The following SNX29 variants were observed in gnomAD, a reference collection of about 807,000 sequenced individuals.
SNX29 encodes sorting nexin-29.
A neutral mutation model predicts 102.1 loss-of-function variants in SNX29; 78 were observed. That is an observed-to-expected ratio of 0.76 (90% CI 0.64 to 0.92). The LOEUF is 0.92. Among genes scored for constraint, SNX29 ranks in the 40% least tolerant of loss-of-function variants. The probability of loss-of-function intolerance (pLI) is 0.00; values close to 1 mark genes in which losing one functional copy is unlikely to be tolerated. For missense variants in SNX29, 1,280 were observed against 1,061.7 expected (o/e 1.21, Z -2.86); for synonymous variants, 580 against 414.5 (o/e 1.40, Z -4.85).
intron 11 of SNX29, among the ~76,000 whole-genome samples, chr16:12,107,823 G>A (rs1300218344): frequency 6.6e-6 from 1 of 152,036 alleles, no homozygotes; most frequent in Non-Finnish European, 1.5e-5. Flanking sequence ...TCTGCTACCC[G>A]TCCATAGGAA....
chr16:12,555,144 T>C (rs1205407712), intron 20 of SNX29, among the ~76,000 whole-genome samples: 2 of 151,786 alleles, frequency 1.3e-5, no homozygotes, highest in African/African-American at 4.8e-5. Context: ...TCAGACTTGG[T>C]CCAGGAGTGA....
chr16:12,569,612 G>C lies in SNX29; in HGVS notation c.*983G>C, dbSNP rs1179337233. ...CCCGTCTGCCCCCGACATTGTCCTTGATAACAGAACTCTGCATCCCCTAAG... is the reference window on the plus strand; with the variant it reads ...CCCGTCTGCCCCCGACATTGTCCTTCATAACAGAACTCTGCATCCCCTAAG... On this transcript the variant is annotated 3_prime_UTR_variant, in exon 21 of 21. Coordinates refer to ENST00000566228, the MANE Select transcript of SNX29 (RefSeq NM_032167.5). The C allele has an allele frequency of 4.5e-6, 1 of 220,506 alleles. No homozygotes were observed. The highest frequency in any genetic ancestry group is 8.8e-6 in the Non-Finnish European group (1 of 113,356). 13.7% of individuals were successfully genotyped at this position (220,506 alleles called of 1,614,324 possible).
chr16:12,172,948 A>T (rs1211617645), intron 13 of SNX29, among the ~76,000 whole-genome samples: 1 of 152,220 alleles, frequency 6.6e-6, no homozygotes, highest in East Asian at 1.9e-4. Context: ...AGTCAGGTGA[A>T]ATATGGAGAT....
intron 2 of SNX29, among the ~76,000 whole-genome samples, chr16:12,000,676 AC>A (rs1356296340): frequency 6.6e-6 from 1 of 152,124 alleles, no homozygotes; most frequent in East Asian, 1.9e-4. Flanking sequence ...GGTGCATGCC[AC>A]CACATGTGCC....
chr16:12,440,610 G>C (rs2085755963), intron 18 of SNX29, among the ~76,000 whole-genome samples: 1 of 152,070 alleles, frequency 6.6e-6, no homozygotes, highest in Admixed American at 6.5e-5. Context: ...CCACCCACCA[G>C]AAGGCCCCAG....
Position 12,570,451 on chromosome 16 carries a change from A to AGGC in SNX29, c.*1823_*1825dup, listed in dbSNP as rs1264536364. The AGGC allele has an allele frequency of 4.2e-6, 1 of 239,724 alleles. No homozygotes were observed. Among genetic ancestry groups the AGGC allele is most frequent in the East Asian group, 6.0e-5 (1 of 16,552 alleles). The allele number at this position is 239,724 out of a possible 1,614,324, so 14.8% of individuals were successfully genotyped here. On this transcript the variant is annotated 3_prime_UTR_variant, in exon 21 of 21. Coordinates refer to ENST00000566228, the MANE Select transcript of SNX29 (RefSeq NM_032167.5). ...CTAAATAGAGAGCCCTAATGGACTG[A>AGGC]GGCAGGAAACGTCTAAAAGCTCAAT...
chr16:12,142,961 G>A (rs992412108), intron 13 of SNX29, among the ~76,000 whole-genome samples: 3 of 151,848 alleles, frequency 2.0e-5, no homozygotes, highest in Non-Finnish European at 4.4e-5. Context: ...TGTCCTGTGG[G>A]TGCTAGAAAT....
intron 11 of SNX29, among the ~76,000 whole-genome samples, chr16:12,082,228 A>G (rs536220830): frequency 6.6e-6 from 1 of 152,046 alleles, no homozygotes; most frequent in South Asian, 2.1e-4. Context: ...AAAGGACAGC[A>G]GCCCCGAGAT....
chr16:12,441,715 A>T (rs1306992508), intron 18 of SNX29, among the ~76,000 whole-genome samples: 1 of 152,198 alleles, frequency 6.6e-6, no homozygotes, highest in African/African-American at 2.4e-5. Flanking sequence ...GGACACACAG[A>T]TTTAGCCCTG....
chr16:12,364,821 C>A (rs765975045), intron 16 of SNX29, among the ~76,000 whole-genome samples: 19 of 152,162 alleles, frequency 1.2e-4, no homozygotes, highest in Non-Finnish European at 2.4e-4. Flanking sequence ...GTAAGACTTG[C>A]TGCCTGTGGA....
intron 18 of SNX29, among the ~76,000 whole-genome samples, chr16:12,477,337 G>C (rs540906801): frequency 1.3e-5 from 2 of 152,280 alleles, no homozygotes; most frequent in Non-Finnish European, 2.9e-5. Flanking sequence ...TCTCAGCTCT[G>C]TTTTACAGAT....
In SNX29 at chr16:12,051,227, G is replaced by A. The variant is rs570941622; in HGVS notation, c.749-620G>A. On this transcript the variant is annotated intron_variant, in intron 7 of 20. Coordinates refer to ENST00000566228, the MANE Select transcript of SNX29 (RefSeq NM_032167.5). ...ACCTGTAGTCCCAGCTACTCAGGAGGCTGAGGGCAGAGGATTGTTTGATCC... is the reference window on the plus strand; with the variant it reads ...ACCTGTAGTCCCAGCTACTCAGGAGACTGAGGGCAGAGGATTGTTTGATCC... Among the ~76,000 whole-genome samples, 4 of 152,138 alleles carry A rather than the reference G, an allele frequency of 2.6e-5. No individual in the cohort carries two copies. The East Asian group carries it at 5.8e-4, about 22-fold the overall frequency.
chr16:12,176,575 A>C (rs536447939), intron 13 of SNX29, among the ~76,000 whole-genome samples: 4 of 152,356 alleles, frequency 2.6e-5, no homozygotes, highest in Non-Finnish European at 5.9e-5. Flanking sequence ...TAGCATTTGC[A>C]TTATATTAGG....
chr16:12,272,455 G>A (rs1202716170), intron 14 of SNX29, among the ~76,000 whole-genome samples: 1 of 152,226 alleles, frequency 6.6e-6, no homozygotes, highest in Admixed American at 6.5e-5. Flanking sequence ...GCTCTGCTGA[G>A]CAGCTGCAGC....
chr16:12,165,753 G>A (rs896903015), intron 13 of SNX29, among the ~76,000 whole-genome samples: 1 of 152,208 alleles, frequency 6.6e-6, no homozygotes, highest in African/African-American at 2.4e-5. Flanking sequence ...CAGTGGAGAC[G>A]GTGTTTTGCC....
At chr16:12,185,554 C>A (rs2076489710) in intron 13 of SNX29, among the ~76,000 whole-genome samples, 1 of 152,156 alleles carries the variant, frequency 6.6e-6, no homozygotes, top group South Asian at 2.1e-4. Context: ...GTGATGGTCC[C>A]CCTCCTTCAA....
intron 19 of SNX29, among the ~76,000 whole-genome samples, chr16:12,520,881 A>G (rs1225249610): frequency 6.6e-6 from 1 of 152,220 alleles, no homozygotes; most frequent in African/African-American, 2.4e-5. Context: ...AGGGGGCACT[A>G]GAGTTTCAGA....
chr16:12,527,765 A>G (rs998556809), intron 20 of SNX29, among the ~76,000 whole-genome samples: 1 of 151,832 alleles, frequency 6.6e-6, no homozygotes, highest in Non-Finnish European at 1.5e-5. Flanking sequence ...CTGATTCTCC[A>G]ACTTATTTTA....
intron 3 of SNX29, among the ~76,000 whole-genome samples, chr16:12,008,730 AG>A (rs1262596313): frequency 5.7e-5 from 8 of 140,620 alleles, no homozygotes; most frequent in Non-Finnish European, 1.3e-4. Flanking sequence ...AATTGTATTT[AG>A]TTTTTTTTTT....
Sources: gnomAD v4.1 joint callset for allele counts (sites outside exome capture counted in the v4.1 genomes callset) on GRCh38, gnomAD v4.1.1 for gene constraint, MANE v1.5 for transcripts, NCBI Gene and HGNC (gene_info 2026-07-23, HGNC 2026-07-21) for gene names.